Variants in UTRN observed in about 807,000 individuals in gnomAD.
UTRN encodes the protein dystrophin-related protein 1.
Under a neutral mutation model 463.9 loss-of-function variants are expected in UTRN, and 283 were observed. The observed-to-expected ratio is 0.61, with a 90% CI of 0.55 to 0.67. The LOEUF (loss-of-function observed/expected upper bound fraction) is 0.67, where lower values mean the gene tolerates loss of function less well. Ranked by LOEUF, UTRN falls within the 30% of genes least tolerant of loss-of-function variation. The pLI is 0.00. For synonymous variants in UTRN, 1,442 were observed against 1,431.5 expected (o/e 1.01, Z -0.17); for missense variants, 3,922 against 4,084.3 (o/e 0.96, Z 1.08).
At chr6:144,320,479 T>C (rs932405971) in intron 2 of UTRN, among the ~76,000 whole-genome samples, 2 of 152,166 alleles carry the variant, frequency 1.3e-5, no homozygotes, top group African/African-American at 4.8e-5. Context: ...TTTGCCTTTG[T>C]GAATATTATA....
At chr6:144,670,876 C>T (rs1277150054) in intron 51 of UTRN, among the ~76,000 whole-genome samples, 1 of 152,094 alleles carries the variant, frequency 6.6e-6, no homozygotes, top group Non-Finnish European at 1.5e-5. Flanking sequence ...ATCCCAGCAC[C>T]ATTTGTTGAA....
chr6:144,629,923 C>G (rs765729714), intron 51 of UTRN, among the ~76,000 whole-genome samples: 2 of 152,160 alleles, frequency 1.3e-5, no homozygotes, highest in Non-Finnish European at 2.9e-5. Context: ...TAGTGGCTCA[C>G]GCCTGTAATC....
At chr6:144,299,861 A>ATGTATATG (rs1215038695) in intron 2 of UTRN, among the ~76,000 whole-genome samples, 1 of 152,146 alleles carries the variant, frequency 6.6e-6, no homozygotes, top group Non-Finnish European at 1.5e-5. Flanking sequence ...GAAATGTATT[A>ATGTATATG]TATATGTATT....
At chr6:144,537,834 G>T in intron 44 of UTRN, 117 bp downstream of exon 44, 1 of 1,393,108 alleles carries the variant, frequency 7.2e-7, no homozygotes. Context: ...TTTGGTAAAT[G>T]TGGTGAACCT....
At chr6:144,609,790 A>G (rs1444069086) in intron 51 of UTRN, among the ~76,000 whole-genome samples, 1 of 152,174 alleles carries the variant, frequency 6.6e-6, no homozygotes, top group African/African-American at 2.4e-5. Context: ...TTGGAAAATA[A>G]ACAAATATGT....
intron 16 of UTRN, among the ~76,000 whole-genome samples, chr6:144,448,347 A>G (rs1196960490): frequency 6.6e-6 from 1 of 152,232 alleles, no homozygotes; most frequent in East Asian, 1.9e-4. Flanking sequence ...GGGAAAATCC[A>G]CAGAGATAGA....
At chr6:144,658,709 A>C (rs1779572325) in intron 51 of UTRN, among the ~76,000 whole-genome samples, 1 of 152,256 alleles carries the variant, frequency 6.6e-6, no homozygotes, top group African/African-American at 2.4e-5. Flanking sequence ...TTTCTGTTAT[A>C]CTTTATTGGT....
intron 2 of UTRN, among the ~76,000 whole-genome samples, chr6:144,329,986 A>G (rs551235139): frequency 6.6e-6 from 1 of 152,334 alleles, no homozygotes; most frequent in South Asian, 2.1e-4. Flanking sequence ...AGAACCAGAC[A>G]TCAAATTGCA....
intron 58 of UTRN, among the ~76,000 whole-genome samples, chr6:144,760,092 T>C (rs1792482290): frequency 6.6e-6 from 1 of 152,174 alleles, no homozygotes. Flanking sequence ...TCCTTAATTT[T>C]AGCTCTTTTT....
chr6:144,310,912 C>T (rs981721834), intron 2 of UTRN, among the ~76,000 whole-genome samples: 4 of 152,210 alleles, frequency 2.6e-5, no homozygotes, highest in South Asian at 2.1e-4. Flanking sequence ...CAGATGCTCA[C>T]GACAGATCGA....
intron 51 of UTRN, among the ~76,000 whole-genome samples, chr6:144,626,476 C>T (rs891395348): frequency 7.2e-5 from 11 of 152,202 alleles, no homozygotes; most frequent in Admixed American, 6.5e-4. Flanking sequence ...CTGCATTTCT[C>T]CAATTCTACT....
intron 53 of UTRN, chr6:144,707,161 A>G (rs1428563587): frequency 6.6e-6 from 1 of 152,226 alleles, no homozygotes; most frequent in Non-Finnish European, 1.5e-5. Context: ...AATGAGAGAA[A>G]TTAATACAAA....
chr6:144,350,493 C>T (rs1778019769), intron 2 of UTRN, among the ~76,000 whole-genome samples: 1 of 152,174 alleles, frequency 6.6e-6, no homozygotes, highest in African/African-American at 2.4e-5. Flanking sequence ...TACCTGTGTA[C>T]ATGTATCTTC....
At chr6:144,709,000 T>C (rs527803138) in intron 53 of UTRN, among the ~76,000 whole-genome samples, 1 of 152,232 alleles carries the variant, frequency 6.6e-6, no homozygotes, top group South Asian at 2.1e-4. Flanking sequence ...ACTAACCCAC[T>C]CCCACTGTGA....
chr6:144,523,429 C>T (rs1420915226), intron 41 of UTRN, among the ~76,000 whole-genome samples: 1 of 152,188 alleles, frequency 6.6e-6, no homozygotes, highest in African/African-American at 2.4e-5. Context: ...CCTGCCTCAG[C>T]TTCCCAAGTA....
chr6:144,611,376 G>A (rs916678695), intron 51 of UTRN, among the ~76,000 whole-genome samples: 3 of 152,256 alleles, frequency 2.0e-5, no homozygotes, highest in African/African-American at 7.2e-5. Flanking sequence ...GAGCGATTAG[G>A]GAAGGGAAAG....
rs55994018 is a variant in UTRN at position 144,784,854 on chromosome 6, A to G, written c.8834+2731A>G. ...TCTCATTTTTCATTTTAAAGGAAAA[A>G]AATCTTTCAGGACTAACCTCCCTTC... On this transcript the variant is annotated intron_variant, in intron 61 of 74. Transcript: ENST00000367545. Among the ~76,000 whole-genome samples the G allele has an allele frequency of 7.8e-3, 1,195 of 152,338 alleles. 18 individuals carry two copies. Among genetic ancestry groups the G allele is most frequent in the African/African-American group, 0.026 (1,079 of 41,580 alleles).
In UTRN at chr6:144,348,306, G is replaced by C. The variant is rs372676912; in HGVS notation, c.80-54817G>C. 7.2e-5 allele frequency among the ~76,000 whole-genome samples: 11 copies of C among 152,294 alleles called. No individual in the cohort carries two copies. The South Asian group carries it at 1.2e-3, about 17-fold the overall frequency. Reference sequence around the variant, plus strand: ...ATGAAGGTGATTTGATTCTTCCCCCGTGGAGGTTAGGACCTGGAAAGGATG... The same window carrying C: ...ATGAAGGTGATTTGATTCTTCCCCCCTGGAGGTTAGGACCTGGAAAGGATG... On this transcript the variant is annotated intron_variant, in intron 2 of 74. Coordinates refer to ENST00000367545, the MANE Select transcript of UTRN (RefSeq NM_007124.3).
chr6:144,653,470 C>T (rs1292656129), intron 51 of UTRN, among the ~76,000 whole-genome samples: 8 of 151,962 alleles, frequency 5.3e-5, no homozygotes, highest in Admixed American at 3.9e-4. Context: ...CCTGTAGTCC[C>T]AGCTACTTGG....
Sources: allele counts gnomAD v4.1 joint callset (sites outside exome capture counted in the v4.1 genomes callset), GRCh38; gene constraint gnomAD v4.1.1; transcripts MANE v1.5; gene names NCBI Gene and HGNC (gene_info 2026-07-23, HGNC 2026-07-21).